Variants in PLEKHM3 observed in about 807,000 individuals in gnomAD.
PLEKHM3 encodes pleckstrin homology domain-containing family M member 3.
A neutral mutation model predicts 81.8 loss-of-function variants in PLEKHM3; 45 were observed. The observed-to-expected ratio is 0.55, with a 90% CI of 0.43 to 0.71. The LOEUF (loss-of-function observed/expected upper bound fraction) is 0.71. PLEKHM3 is among the 30% of genes least tolerant of loss of function. The pLI is 0.00. For missense variants in PLEKHM3, 788 were observed against 924.3 expected (o/e 0.85, Z 1.91); for synonymous variants, 352 against 356.4 (o/e 0.99, Z 0.14).
In PLEKHM3 at chr2:207,865,801, A is replaced by AAAAAAAAAAAAAAAAATAT; in HGVS notation, c.1951-4540_1951-4539insATATTTTTTTTTTTTTTTT. On this transcript the variant is annotated intron_variant, in intron 6 of 7. Transcript: ENST00000427836. ...CGACTCAAAAAAAAAAAAAAAAAAA[A>AAAAAAAAAAAAAAAAATAT]AGATATATATATATATATATATATA... Among the ~76,000 whole-genome samples, 6 of 25,288 alleles carry AAAAAAAAAAAAAAAAATAT rather than the reference A, an allele frequency of 2.4e-4. 1 individual carries two copies. The highest frequency in any genetic ancestry group is 4.5e-4 in the Non-Finnish European group (6 of 13,196). The allele number at this position is 25,288 out of a possible 152,430, so 16.6% of individuals were successfully genotyped here.
chr2:207,972,655 G>A (rs1309496947), intron 3 of PLEKHM3, among the ~76,000 whole-genome samples: 1 of 151,104 alleles, frequency 6.6e-6, no homozygotes, highest in East Asian at 1.9e-4. Flanking sequence ...CCCTGGAGCT[G>A]CAGAAGAAGC....
At chr2:207,914,749 A>G (rs1688929088) in intron 5 of PLEKHM3, among the ~76,000 whole-genome samples, 1 of 152,142 alleles carries the variant, frequency 6.6e-6, no homozygotes. Flanking sequence ...TATATTAAGA[A>G]CCAAAAGCCA....
intron 3 of PLEKHM3, among the ~76,000 whole-genome samples, chr2:207,968,273 C>T (rs911240779): frequency 1.3e-5 from 2 of 152,074 alleles, no homozygotes; most frequent in Non-Finnish European, 2.9e-5. Flanking sequence ...GCACCTACTA[C>T]AGCATGAACA....
At chr2:207,879,809 T>C (rs1044699880) in intron 6 of PLEKHM3, among the ~76,000 whole-genome samples, 2 of 152,200 alleles carry the variant, frequency 1.3e-5, no homozygotes, top group East Asian at 1.9e-4. Context: ...TTTAAATTGA[T>C]TGTGAAAAGC....
At chr2:208,013,812 A>G (rs1437858042) in intron 1 of PLEKHM3, among the ~76,000 whole-genome samples, 1 of 152,214 alleles carries the variant, frequency 6.6e-6, no homozygotes, top group Non-Finnish European at 1.5e-5. Context: ...AGCAGAAGGG[A>G]GAATACTTAA....
At chr2:207,874,109 T>C (rs541557312) in intron 6 of PLEKHM3, among the ~76,000 whole-genome samples, 3 of 152,368 alleles carry the variant, frequency 2.0e-5, no homozygotes, top group African/African-American at 4.8e-5. Flanking sequence ...CTGTTGTGTC[T>C]GCAGTGTCTG....
chr2:207,821,587 T>C lies in PLEKHM3; in HGVS notation c.*6732A>G, dbSNP rs957538611. ...ATATAACAGCCCAGACCCAAAATTT[T>C]AGTCATTTCTGTACTGTGTGAGCAG... On this transcript the variant is annotated 3_prime_UTR_variant, in exon 8 of 8. Transcript: ENST00000427836. 6.6e-6 allele frequency: 1 copy of C among 152,172 alleles called. No individual in the cohort carries two copies. The highest frequency in any genetic ancestry group is 1.5e-5 in the Non-Finnish European group (1 of 68,032). The allele number at this position is 152,172 out of a possible 1,614,324, so 9.4% of individuals were successfully genotyped here. A position where few individuals can be genotyped will look rare whatever the true frequency, so the allele number is the denominator to read the frequency against.
chr2:208,009,817 C>T (rs142465823), intron 1 of PLEKHM3, among the ~76,000 whole-genome samples: 134 of 152,312 alleles, frequency 8.8e-4, no homozygotes, highest in Non-Finnish European at 1.5e-3. Flanking sequence ...ATATACCACT[C>T]TAGTTTCCTG....
Position 207,946,497 on chromosome 2 carries a change from A to G in PLEKHM3, c.1562T>C (p.Ile521Thr), listed in dbSNP as rs1433315315. 6.2e-7 allele frequency: 1 copy of G among 1,614,098 alleles called. No homozygotes were observed. Among genetic ancestry groups the G allele is most frequent in the Admixed American group, 1.7e-5 (1 of 60,010 alleles). ...CTTGGCTTTCCCATTGGAAAGACCTATGGATCGCTGGCAGCCTGTTCAAGG... is the reference window on the plus strand; with the variant it reads ...CTTGGCTTTCCCATTGGAAAGACCTGTGGATCGCTGGCAGCCTGTTCAAGG... ...SFKCAGCQRSIGLSNGKAKVC... is the reference protein window; with the variant it reads ...SFKCAGCQRSTGLSNGKAKVC... Residue 521 changes from isoleucine to threonine, a missense_variant, in exon 4 of 8, where the codon ATA (isoleucine) becomes ACA (threonine). Coordinates refer to ENST00000427836, the MANE Select transcript of PLEKHM3 (RefSeq NM_001080475.3).
chr2:207,964,810 G>A (rs1027121635), intron 3 of PLEKHM3, among the ~76,000 whole-genome samples: 1 of 152,042 alleles, frequency 6.6e-6, no homozygotes, highest in Admixed American at 6.5e-5. Flanking sequence ...CATATTTCAA[G>A]GTATAAAGAT....
At chr2:207,972,455 CA>C (rs1190533444) in intron 3 of PLEKHM3, among the ~76,000 whole-genome samples, 3 of 152,064 alleles carry the variant, frequency 2.0e-5, no homozygotes, top group African/African-American at 4.8e-5. Context: ...GGCCTGGTGG[CA>C]CACGCCTGTA....
At chr2:207,929,914 A>G (rs1689530923) in intron 5 of PLEKHM3, 1 of 700,692 alleles carries the variant, frequency 1.4e-6, no homozygotes, top group Non-Finnish European at 2.6e-6. Context: ...AACATTTAAC[A>G]TGACTAATGC....
At chr2:207,879,898 A>G (rs1190392117) in intron 6 of PLEKHM3, among the ~76,000 whole-genome samples, 1 of 152,206 alleles carries the variant, frequency 6.6e-6, no homozygotes, top group Non-Finnish European at 1.5e-5. Flanking sequence ...AACATTTGGT[A>G]CATGTTCAGC....
intron 6 of PLEKHM3, among the ~76,000 whole-genome samples, chr2:207,901,872 G>A (rs892129883): frequency 4.6e-5 from 7 of 152,178 alleles, no homozygotes; most frequent in African/African-American, 1.4e-4. Context: ...TTCCTGTCTC[G>A]CCCCAGATTA....
chr2:207,842,367 C>A (rs902497107), intron 7 of PLEKHM3, among the ~76,000 whole-genome samples: 7 of 152,288 alleles, frequency 4.6e-5, no homozygotes, highest in Admixed American at 2.0e-4. Context: ...AGATGCTTTT[C>A]ATTTTTATAT....
At chr2:207,873,579 A>C (rs1331299138) in intron 6 of PLEKHM3, among the ~76,000 whole-genome samples, 1 of 152,274 alleles carries the variant, frequency 6.6e-6, no homozygotes, top group Non-Finnish European at 1.5e-5. Context: ...AAGATACTCC[A>C]GGAAATTCTC....
intron 5 of PLEKHM3, among the ~76,000 whole-genome samples, chr2:207,915,058 A>G (rs1688939968): frequency 6.6e-6 from 1 of 152,234 alleles, no homozygotes; most frequent in South Asian, 2.1e-4. Context: ...CTGGTAGCAA[A>G]GAACATTGAA....
chr2:207,915,718 A>C lies in PLEKHM3; in HGVS notation c.1887-7141T>G, dbSNP rs539019918. Among the ~76,000 whole-genome samples, 7 of 152,386 alleles carry C rather than the reference A, an allele frequency of 4.6e-5. No individual in the cohort carries two copies. The East Asian group carries it at 1.3e-3, about 29-fold the overall frequency. ...CACCAAAAGCAAACTCCACAATTTG[A>C]TTCTAAATGATAAGGGTCTAAATAA... On this transcript the variant is annotated intron_variant, in intron 5 of 7. Coordinates refer to ENST00000427836, the MANE Select transcript of PLEKHM3 (RefSeq NM_001080475.3).
At chr2:207,989,816 G>T (rs572574550) in intron 2 of PLEKHM3, among the ~76,000 whole-genome samples, 1 of 152,190 alleles carries the variant, frequency 6.6e-6, no homozygotes, top group Non-Finnish European at 1.5e-5. Flanking sequence ...ACTTAGTTGC[G>T]TAGCAGCAAA....
Sources: gnomAD v4.1 joint callset for allele counts (sites outside exome capture counted in the v4.1 genomes callset) on GRCh38, gnomAD v4.1.1 for gene constraint, MANE v1.5 for transcripts, NCBI Gene and HGNC (gene_info 2026-07-23, HGNC 2026-07-21) for gene names.